Variants in CRHR2 observed in about 807,000 individuals in gnomAD.
The protein encoded by CRHR2 is corticotropin releasing hormone receptor 2, also known as corticotropin-releasing hormone receptor 2.
CRHR2 carries 53 observed loss-of-function variants against 57.9 expected under a neutral mutation model. The ratio of observed to expected loss-of-function variants is 0.92; its 90% CI spans 0.73 to 1.15. The LOEUF is 1.15. CRHR2 is among the 50% of genes most tolerant of loss of function. The probability of loss-of-function intolerance (pLI) is 0.00; values close to 1 mark genes in which losing one functional copy is unlikely to be tolerated. For missense variants in CRHR2, 532 were observed against 542.6 expected, an observed-to-expected ratio of 0.98 and a Z score of 0.19; for synonymous variants, 213 against 220.9, an observed-to-expected ratio of 0.96 and a Z score of 0.32.
chr7:30,673,422 G>A (rs1265030453), intron 2 of CRHR2, among the ~76,000 whole-genome samples: 2 of 151,752 alleles, frequency 1.3e-5, no homozygotes, highest in South Asian at 4.2e-4. Context: ...CTCACTATGT[G>A]GTTTTGGCTG....
In CRHR2 at chr7:30,662,713, G is replaced by T. The variant is rs1784055756; in HGVS notation, c.678C>A (p.Leu226=). The T allele has an allele frequency of 6.2e-7, 1 of 1,614,016 alleles. No individual in the cohort carries two copies. Reference sequence around the variant, plus strand: ...CCTCACACCATCCGATGAAGAGGAAGAGGCACTTGCGCAGGCGCTCAGTGG... The same window carrying T: ...CCTCACACCATCCGATGAAGAGGAATAGGCACTTGCGCAGGCGCTCAGTGG... The part of the protein sequence containing the change: ...TYSTERLRKC[L]FLFIGWCIPF... The change falls in exon 6 of 12, where the codon CTC becomes CTA. Residue 226 remains leucine, a synonymous_variant. Transcript: ENST00000471646.
upstream of CRHR2, among the ~76,000 whole-genome samples, chr7:30,687,407 G>A (rs758169166): frequency 8.6e-5 from 13 of 151,076 alleles, no homozygotes; most frequent in Admixed American, 2.0e-4. Flanking sequence ...AAAAGCAGGC[G>A]ACGAAACTAT....
intron 2 of CRHR2, among the ~76,000 whole-genome samples, chr7:30,677,203 G>C (rs1784546246): frequency 7.2e-6 from 1 of 138,316 alleles, no homozygotes; most frequent in African/African-American, 3.5e-5. Context: ...GATGGAGAAA[G>C]AGAGAGAGAG....
At chr7:30,681,624 G>C (rs191631891) in intron 2 of CRHR2, among the ~76,000 whole-genome samples, 1 of 152,348 alleles carries the variant, frequency 6.6e-6, no homozygotes, top group East Asian at 1.9e-4. Flanking sequence ...ATGAGGGAAG[G>C]AGGTTTACAC....
rs1784017847 is a variant in CRHR2, at chr7:30,662,005, A to AT, written c.758+150dup. 5.3e-6 allele frequency: 4 copies of AT among 760,120 alleles called. No homozygotes were observed. The East Asian group carries it at 7.9e-5, about 15-fold the overall frequency. The allele number at this position is 760,120 out of a possible 1,614,324, so 47.1% of individuals were successfully genotyped here. A position where few individuals can be genotyped will look rare whatever the true frequency, so the allele number is the denominator to read the frequency against. On this transcript the variant is annotated intron_variant, in intron 7 of 11. Transcript: ENST00000471646. ...TGTGAGTACCTCTGAGTGCAGGACT[A>AT]TTTTTTTCAATTTAAGGACAACAGG...
chr7:30,654,122 G>A (rs1783684388), intron 11 of CRHR2, among the ~76,000 whole-genome samples: 1 of 152,194 alleles, frequency 6.6e-6, no homozygotes, highest in Non-Finnish European at 1.5e-5. Flanking sequence ...GAAAGGGAAA[G>A]CTCTCTGTCT....
Position 30,665,333 on chromosome 7 carries a change from C to A in CRHR2, c.426-146G>T. The A allele has an allele frequency of 4.8e-6, 4 of 838,440 alleles. No individual in the cohort carries two copies. In the Admixed American group the frequency reaches 8.7e-5, roughly 18 times the overall value. The allele number at this position is 838,440 out of a possible 1,614,324, so 51.9% of individuals were successfully genotyped here. On this transcript the variant is annotated intron_variant, in intron 4 of 11. Transcript: ENST00000471646. This position sits in a 1 kb window ranked among gnomAD's most constrained non-coding sequence, Gnocchi z 4.5. The stretch of plus-strand genomic sequence containing the variant: ...CCACCCATGGTGGCCACAGTTGGGC[C>A]TCTGAGTCCAGCTCCCACTCTGCAC...
rs116988592 is a variant in CRHR2 at position 30,690,348 on chromosome 7, A to G, written c.-260-1064T>C. Among the ~76,000 whole-genome samples the G allele has an allele frequency of 2.9e-3, 440 of 152,238 alleles. 1 individual carries two copies. The highest frequency in any genetic ancestry group is 3.0e-3 in the Non-Finnish European group (205 of 68,018). On this transcript the variant is annotated intron_variant, in intron 1 of 13. Coordinates refer to the CRHR2 transcript ENST00000341843. ...AATGCATGGTGTATGACTGAACGAG[A>G]GCAATTCACTCTAAATTCTAACGCT... is the stretch of plus-strand genomic sequence containing the variant.
chr7:30,656,576 T>C lies in CRHR2; in HGVS notation c.832-564A>G, dbSNP rs144489093. Among the ~76,000 whole-genome samples the C allele has an allele frequency of 6.3e-4, 96 of 152,348 alleles. No homozygotes were observed. Among genetic ancestry groups the C allele is most frequent in the African/African-American group, 2.1e-3 (86 of 41,586 alleles). On this transcript the variant is annotated intron_variant, in intron 8 of 11. Transcript: ENST00000471646. This position sits in a 1 kb window ranked among gnomAD's most constrained non-coding sequence, Gnocchi z 4.4. ...GTGCCCAGGAACTCCAGAGCCTTCG[T>C]AGGCACCCTAGACAGGGAAGATGGA... is the stretch of plus-strand genomic sequence containing the variant.
chr7:30,656,986 T>C lies in CRHR2; in HGVS notation c.832-974A>G, dbSNP rs1401712047. Among the ~76,000 whole-genome samples the C allele has an allele frequency of 1.3e-5, 2 of 152,082 alleles. No homozygotes were observed. The highest frequency in any genetic ancestry group is 2.9e-5 in the Non-Finnish European group (2 of 67,998). On this transcript the variant is annotated intron_variant, in intron 8 of 11. Transcript: ENST00000471646. The surrounding 1 kb of genome is among the most constrained non-coding windows in gnomAD (Gnocchi z 4.4). ...GCAGGCAAGGGAGTGTGTGTCGGCCTGACACAGTGGGGCTGTTTCCTGACA... is the reference window on the plus strand; with the variant it reads ...GCAGGCAAGGGAGTGTGTGTCGGCCCGACACAGTGGGGCTGTTTCCTGACA...
At position 30,682,264 on chromosome 7, in the gene CRHR2, A is replaced by G; in HGVS notation, c.17T>C (p.Leu6Pro). The change falls in exon 1 of 12, where the codon CTC becomes CCC. Residue 6 changes from leucine (L) to proline (P), a missense_variant. Physicochemically the swap from Leu to Pro is moderately conservative, Grantham distance 98 (BLOSUM62 -3). Coordinates refer to ENST00000471646, the MANE Select transcript of CRHR2 (RefSeq NM_001883.5). ...GCAGTTGGCCTCCAGCAGGCTGTGG[A>G]GCAGTGCCGCGTCCATCGCGTCCCG... MDAAL[L>P]HSLLEANCSL... 6.3e-7 allele frequency: 1 copy of G among 1,582,198 alleles called. No individual in the cohort carries two copies. Among genetic ancestry groups the G allele is most frequent in the South Asian group, 1.2e-5 (1 of 86,940 alleles).
chr7:30,687,163 A>G (rs766414641), upstream of CRHR2, among the ~76,000 whole-genome samples: 6 of 152,094 alleles, frequency 3.9e-5, no homozygotes, highest in African/African-American at 1.4e-4. Context: ...TGCGTTAGAC[A>G]TGATGCATTT....
upstream of CRHR2, among the ~76,000 whole-genome samples, chr7:30,687,155 C>T (rs1584136710): frequency 6.6e-6 from 1 of 152,054 alleles, no homozygotes; most frequent in African/African-American, 2.4e-5. Flanking sequence ...TTGAACTCTG[C>T]GTTAGACATG....
chr7:30,682,284 G>T lies in CRHR2; in HGVS notation c.-4C>A. ...TGTGGAGCAGTGCCGCGTCCATCGC[G>T]TCCCGCAGCCGCGTGCGGAGAGGGA... On this transcript the variant is annotated 5_prime_UTR_variant, in exon 1 of 12. Coordinates refer to ENST00000471646, the MANE Select transcript of CRHR2 (RefSeq NM_001883.5). 6.4e-7 allele frequency: 1 copy of T among 1,563,192 alleles called. No homozygotes were observed. Among genetic ancestry groups the T allele is most frequent in the Non-Finnish European group, 8.6e-7 (1 of 1,162,556 alleles).
Position 30,653,551 on chromosome 7 carries a change from G to A in CRHR2, c.1145C>T (p.Ser382Phe). ...KRWHRWQDHHSLRVPMARAMS... is the reference protein window; with the variant it reads ...KRWHRWQDHHFLRVPMARAMS... ...GGCCCGGGCCATGGGGACTCGAAGG[G>A]AGTGATGGTCCTGCCAGCGGTGCCA... Residue 382 changes from serine to phenylalanine, a missense_variant, in exon 12 of 12, where the codon TCC becomes TTC. Transcript: ENST00000471646. The surrounding 1 kb of genome is among the most constrained non-coding windows in gnomAD (Gnocchi z 5.0). 2 of 1,613,348 alleles carry A rather than the reference G, an allele frequency of 1.2e-6. No individual in the cohort carries two copies. The highest frequency in any genetic ancestry group is 1.7e-6 in the Non-Finnish European group (2 of 1,179,930).
At chr7:30,678,873 C>T (rs776836660) in intron 2 of CRHR2, among the ~76,000 whole-genome samples, 6 of 152,188 alleles carry the variant, frequency 3.9e-5, no homozygotes, top group Non-Finnish European at 1.5e-5. Flanking sequence ...TGGGTCTGTG[C>T]AGAAATCCCC....
chr7:30,699,123 G>C (rs1785116085), intron 1 of CRHR2, among the ~76,000 whole-genome samples: 1 of 152,190 alleles, frequency 6.6e-6, no homozygotes, highest in Admixed American at 6.5e-5. Context: ...GCCTAGGACA[G>C]GTCACCCTAC....
At chr7:30,696,320 G>A (rs1785055166) in intron 1 of CRHR2, among the ~76,000 whole-genome samples, 1 of 152,106 alleles carries the variant, frequency 6.6e-6, no homozygotes, top group South Asian at 2.1e-4. Flanking sequence ...TGAGGGGATG[G>A]ATACCCCATT....
Position 30,665,034 on chromosome 7 carries a change from C to T in CRHR2, c.543+36G>A. ...ATGGGTGCCCCCGGAGCCCAGAGCC[C>T]CCCAGGTATAGCCCCGAGTCTCCCC... On this transcript the variant is annotated intron_variant, in intron 5 of 11. Coordinates refer to ENST00000471646, the MANE Select transcript of CRHR2 (RefSeq NM_001883.5). This position sits in a 1 kb window ranked among gnomAD's most constrained non-coding sequence, Gnocchi z 4.5. The T allele has an allele frequency of 6.4e-7, 1 of 1,566,862 alleles. No individual in the cohort carries two copies. The highest frequency in any genetic ancestry group is 8.8e-7 in the Non-Finnish European group (1 of 1,137,142).
Sources: allele counts gnomAD v4.1 joint callset (sites outside exome capture counted in the v4.1 genomes callset), GRCh38; gene constraint gnomAD v4.1.1; non-coding constraint Gnocchi (gnomAD v3.1); transcripts MANE v1.5; gene names NCBI Gene and HGNC (gene_info 2026-07-23, HGNC 2026-07-21).